CHD5: variants seen among roughly 807,000 people sequenced by gnomAD.
CHD5 encodes chromodomain helicase DNA binding protein 5.
A neutral mutation model predicts 230.3 loss-of-function variants in CHD5; 69 were observed. That is an observed-to-expected ratio of 0.30 (90% CI 0.25 to 0.37). CHD5 has a LOEUF of 0.37. Among genes scored for constraint, CHD5 ranks in the 10% least tolerant of loss-of-function variants. CHD5 has a pLI of 1.00. For synonymous variants in CHD5, 1,064 were observed against 1,065.9 expected (o/e 1.00, Z 0.03); for missense variants, 1,827 against 2,622.8 (o/e 0.70, Z 6.63).
chr1:6,121,397 C>G lies in CHD5; in HGVS notation c.4779+97G>C. ...GAGCCCCGAAAAGGGAGCCAGGAGGCCTGGGTTCCACCTCGCTGTACAGGG... is the reference window on the plus strand; with the variant it reads ...GAGCCCCGAAAAGGGAGCCAGGAGGGCTGGGTTCCACCTCGCTGTACAGGG... On this transcript the variant is annotated intron_variant, in intron 32 of 41. Coordinates refer to ENST00000262450, the MANE Select transcript of CHD5 (RefSeq NM_015557.3). The surrounding 1 kb of genome is among the most constrained non-coding windows in gnomAD (Gnocchi z 4.5). The G allele has an allele frequency of 6.8e-7, 1 of 1,480,718 alleles. No individual in the cohort carries two copies. The highest frequency in any genetic ancestry group is 9.3e-7 in the Non-Finnish European group (1 of 1,073,078). 91.7% of individuals were successfully genotyped at this position (1,480,718 alleles called of 1,614,324 possible).
At position 6,154,373 on chromosome 1, in the gene CHD5, G is replaced by C. The variant is rs1211018364; in HGVS notation, c.745+287C>G. Among the ~76,000 whole-genome samples the C allele has an allele frequency of 6.6e-6, 1 of 152,088 alleles. No homozygotes were observed. On this transcript the variant is annotated intron_variant, in intron 5 of 41. Transcript: ENST00000262450. The surrounding 1 kb of genome is among the most constrained non-coding windows in gnomAD (Gnocchi z 7.0). Reference sequence around the variant, plus strand: ...CCCGCCCTCCCTCCAGGCCCACGTCGGGGGCACCTCCTGGCTGGCCAGGCT... The same window carrying C: ...CCCGCCCTCCCTCCAGGCCCACGTCCGGGGCACCTCCTGGCTGGCCAGGCT...
Position 6,149,078 on chromosome 1 carries a change from G to A in CHD5, c.1162-3C>T, listed in dbSNP as rs1666956088. On this transcript the variant is annotated splice_polypyrimidine_tract_variant and splice_region_variant and intron_variant, in intron 8 of 41. Coordinates refer to ENST00000262450, the MANE Select transcript of CHD5 (RefSeq NM_015557.3). ...TCCCACTGGATCCCCTCCTTCTCCTGGGGGAGGAGGCCAGGTGGAGGCACC... is the reference window on the plus strand; with the variant it reads ...TCCCACTGGATCCCCTCCTTCTCCTAGGGGAGGAGGCCAGGTGGAGGCACC... 1.3e-6 allele frequency: 2 copies of A among 1,513,274 alleles called. No individual in the cohort carries two copies. Among genetic ancestry groups the A allele is most frequent in the Non-Finnish European group, 1.8e-6 (2 of 1,128,812 alleles). 93.7% of individuals were successfully genotyped at this position (1,513,274 alleles called of 1,614,324 possible).
intron 33 of CHD5, among the ~76,000 whole-genome samples, chr1:6,116,427 T>TG (rs1446128032): frequency 6.6e-5 from 10 of 152,244 alleles, no homozygotes; most frequent in African/African-American, 2.4e-4. Flanking sequence ...AGAATCACAG[T>TG]GAGTCACACA....
rs573272074 is a variant in CHD5, at chr1:6,140,301, G to A, written c.2436+1827C>T. 1.9e-4 allele frequency among the ~76,000 whole-genome samples: 29 copies of A among 152,176 alleles called. No homozygotes were observed. The East Asian group carries it at 3.7e-3, about 19-fold the overall frequency. The stretch of plus-strand genomic sequence containing the variant: ...TGTAGTCCCAGCTACTTGGGAGGCT[G>A]AGGCAGGAGAATCGCTTGAACCTGG... On this transcript the variant is annotated intron_variant, in intron 15 of 41. Coordinates refer to ENST00000262450, the MANE Select transcript of CHD5 (RefSeq NM_015557.3).
chr1:6,141,564 G>A (rs149329366), intron 15 of CHD5, among the ~76,000 whole-genome samples: 20 of 151,834 alleles, frequency 1.3e-4, no homozygotes, highest in Admixed American at 5.9e-4. Flanking sequence ...GCAGTGAGTC[G>A]AGATCGCCCC....
rs1666659665 is a variant in CHD5, at chr1:6,131,644, G to A, written c.3249C>T (p.Ile1083=). The A allele has an allele frequency of 7.5e-6, 12 of 1,602,456 alleles. No homozygotes were observed. Among genetic ancestry groups the A allele is most frequent in the East Asian group, 2.2e-5 (1 of 44,808 alleles). Reference sequence around the variant, plus strand: ...GGATGGGGGTACCATTGAATCTGTCGATTGCCTCCTGCCGGAGGCCCCCGG... The same window carrying A: ...GGATGGGGGTACCATTGAATCTGTCAATTGCCTCCTGCCGGAGGCCCCCGG... ...GITGGLRQEA[I]DRFNAPGAQQ... Residue 1083 remains isoleucine, a synonymous_variant, in exon 21 of 42, where the codon ATC becomes ATT. Transcript: ENST00000262450. The surrounding 1 kb of genome is among the most constrained non-coding windows in gnomAD (Gnocchi z 5.0).
intron 1 of CHD5, among the ~76,000 whole-genome samples, chr1:6,172,702 G>A (rs1054897955): frequency 3.3e-5 from 5 of 151,986 alleles, no homozygotes; most frequent in Non-Finnish European, 5.9e-5. Flanking sequence ...TGGATGCCCT[G>A]GGGACACTGA....
intron 36 of CHD5, 45 bp downstream of exon 36, chr1:6,111,730 G>A (rs1666294129): frequency 2.0e-6 from 3 of 1,511,686 alleles, no homozygotes; most frequent in Non-Finnish European, 1.8e-6. Context: ...GAGGTCCACG[G>A]AGGAACGGGC....
At chr1:6,156,093 G>A (rs1355460541) in intron 3 of CHD5, among the ~76,000 whole-genome samples, 1 of 152,210 alleles carries the variant, frequency 6.6e-6, no homozygotes, top group Non-Finnish European at 1.5e-5. Flanking sequence ...ACCAGCCTCG[G>A]GACACCAGGG....
Position 6,126,620 on chromosome 1 carries a change from G to A in CHD5, c.4030C>T (p.Arg1344Cys). ...TTGTAGTTGACCTGCTTGCGGATGC[G>A]CTTGCCCTTGCCCAGGTTGCGGGCC... ...DLARNLGKGK[R>C]IRKQVNYNDA... is the part of the protein sequence containing the mutation. Residue 1344 changes from arginine to cysteine, a missense_variant, in exon 26 of 42, where the codon CGC (arginine) becomes TGC (cysteine). Around this residue, in one of 14 missense-constraint regions of CHD5, gnomAD observed 137 missense variants for 272.7 expected, o/e 0.50. Coordinates refer to ENST00000262450, the MANE Select transcript of CHD5 (RefSeq NM_015557.3). This position sits in a 1 kb window ranked among gnomAD's most constrained non-coding sequence, Gnocchi z 5.7. The A allele has an allele frequency of 6.2e-7, 1 of 1,613,814 alleles. No individual in the cohort carries two copies. The highest frequency in any genetic ancestry group is 8.5e-7 in the Non-Finnish European group (1 of 1,180,028).
intron 36 of CHD5, 115 bp from the exon 37 acceptor site, chr1:6,110,641 C>A: frequency 1.8e-6 from 2 of 1,109,318 alleles, no homozygotes; most frequent in Admixed American, 2.2e-5. Context: ...TGGCTGTACG[C>A]TCTCAGGCAA....
chr1:6,144,576 G>A (rs1014319576), intron 11 of CHD5, among the ~76,000 whole-genome samples: 1 of 152,232 alleles, frequency 6.6e-6, no homozygotes, highest in Non-Finnish European at 1.5e-5. Flanking sequence ...CAGTGCCCAC[G>A]TAGGGTGAGG....
At chr1:6,161,692 T>A (rs1166221072) in intron 2 of CHD5, among the ~76,000 whole-genome samples, 2 of 152,148 alleles carry the variant, frequency 1.3e-5, no homozygotes, top group Admixed American at 1.3e-4. Context: ...GATGTCCACG[T>A]CCCGTTGAGG....
rs1222364982 is a variant in CHD5, at chr1:6,129,850, C to T, written c.3387+354G>A. Among the ~76,000 whole-genome samples, 1 of 152,122 alleles carries T rather than the reference C, an allele frequency of 6.6e-6. No individual in the cohort carries two copies. The highest frequency in any genetic ancestry group is 6.5e-5 in the Admixed American group (1 of 15,280). On this transcript the variant is annotated intron_variant, in intron 22 of 41. Coordinates refer to ENST00000262450, the MANE Select transcript of CHD5 (RefSeq NM_015557.3). This position sits in a 1 kb window ranked among gnomAD's most constrained non-coding sequence, Gnocchi z 6.8. ...CTCCCCACCCCCTTCAAAATGGGTG[C>T]CCCTCTGGGTCCCAGGGCTCCCTCT...
Position 6,154,762 on chromosome 1 carries a change from C to T in CHD5, c.643G>A (p.Ala215Thr), listed in dbSNP as rs758404905. 3 of 1,612,334 alleles carry T rather than the reference C, an allele frequency of 1.9e-6. No individual in the cohort carries two copies. Among genetic ancestry groups the T allele is most frequent in the Non-Finnish European group, 2.5e-6 (3 of 1,179,654 alleles). ...GAGATGGTGACCGTCTCTACAGCCG[C>T]AGCCACCGCCGCCGCCGCTGCTGCC... ...SAAAAAAAVAAAVETVTISPP... is the reference protein window; with the variant it reads ...SAAAAAAAVATAVETVTISPP... The change falls in exon 5 of 42, where the codon GCG (alanine) becomes ACG (threonine). Residue 215 changes from alanine to threonine, a missense_variant. Transcript: ENST00000262450. The surrounding 1 kb of genome is among the most constrained non-coding windows in gnomAD (Gnocchi z 7.0).
rs1667492370 is a variant in CHD5 at position 6,180,132 on chromosome 1, C to G, written c.-109G>C. 3.0e-6 allele frequency: 1 copy of G among 333,292 alleles called. No homozygotes were observed. The highest frequency in any genetic ancestry group is 4.6e-6 in the Non-Finnish European group (1 of 219,472). The allele number at this position is 333,292 out of a possible 1,614,324, so 20.6% of individuals were successfully genotyped here. A position where few individuals can be genotyped will look rare whatever the true frequency, so the allele number is the denominator to read the frequency against. ...GCGCGCGCGGCGGGCGAGGCGGCCT[C>G]GGCGAGAAGATGGCGGCCGCCTGCC... On this transcript the variant is annotated 5_prime_UTR_variant, in exon 1 of 42. Transcript: ENST00000262450.
chr1:6,125,939 C>T lies in CHD5; in HGVS notation c.4079-81G>A, dbSNP rs976723808. 8.0e-5 allele frequency: 81 copies of T among 1,009,616 alleles called. No homozygotes were observed. The highest frequency in any genetic ancestry group is 2.1e-4 in the Middle Eastern group (1 of 4,830). The allele number at this position is 1,009,616 out of a possible 1,614,324, so 62.5% of individuals were successfully genotyped here. A position where few individuals can be genotyped will look rare whatever the true frequency, so the allele number is the denominator to read the frequency against. On this transcript the variant is annotated intron_variant, in intron 26 of 41. Coordinates refer to ENST00000262450, the MANE Select transcript of CHD5 (RefSeq NM_015557.3). This position sits in a 1 kb window ranked among gnomAD's most constrained non-coding sequence, Gnocchi z 6.7. The stretch of plus-strand genomic sequence containing the variant: ...TCAAGTTCAAGCATGCCCAGGGCCA[C>T]GCCGAGCCCCTGCACCCCAGCTCCA...
intron 20 of CHD5, among the ~76,000 whole-genome samples, chr1:6,132,805 G>A (rs11121295): frequency 0.18 from 28,053 of 151,798 alleles, 3,416 homozygotes; most frequent in East Asian, 0.66. Flanking sequence ...CTTTATTTTA[G>A]GGTGTCAATT....
rs1165208841 is a variant in CHD5, at chr1:6,102,244, CTTTG to C, written c.*3226_*3229del. The stretch of plus-strand genomic sequence containing the variant: ...CTGGGTTATCGCACCTAAAAAAATA[CTTTG>C]TTTAAAAAAAAAATCTGAAAATTAA... On this transcript the variant is annotated 3_prime_UTR_variant, in exon 42 of 42. Transcript: ENST00000262450. 1 of 154,844 alleles carries C rather than the reference CTTTG, an allele frequency of 6.5e-6. No individual in the cohort carries two copies. Among genetic ancestry groups the C allele is most frequent in the Non-Finnish European group, 1.4e-5 (1 of 69,226 alleles). The allele number at this position is 154,844 out of a possible 1,614,324, so 9.6% of individuals were successfully genotyped here. A position where few individuals can be genotyped will look rare whatever the true frequency, so the allele number is the denominator to read the frequency against.
Sources: gnomAD v4.1 joint callset for allele counts (sites outside exome capture counted in the v4.1 genomes callset) on GRCh38, gnomAD v4.1.1 for gene constraint, gnomAD v4.1.1 regional missense constraint, Gnocchi (gnomAD v3.1) non-coding constraint, MANE v1.5 for transcripts, NCBI Gene and HGNC (gene_info 2026-07-23, HGNC 2026-07-21) for gene names.